The following R3HDM2 variants were observed in gnomAD, a reference collection of about 807,000 sequenced individuals.
R3HDM2 encodes the protein R3H domain containing 2.
R3HDM2 carries 38 observed loss-of-function variants against 124.5 expected under a neutral mutation model. The observed-to-expected ratio is 0.31, with a 90% CI of 0.24 to 0.40. The LOEUF (loss-of-function observed/expected upper bound fraction) is 0.40. R3HDM2 is among the 10% of genes least tolerant of loss of function. R3HDM2 has a pLI of 1.00. For missense variants in R3HDM2, 869 were observed against 1,236.9 expected, an observed-to-expected ratio of 0.70 and a Z score of 4.46; for synonymous variants, 391 against 448.0, an observed-to-expected ratio of 0.87 and a Z score of 1.61.
intron 2 of R3HDM2, among the ~76,000 whole-genome samples, chr12:57,338,467 T>C (rs537181184): frequency 5.8e-4 from 88 of 152,332 alleles, no homozygotes; most frequent in African/African-American, 2.0e-3. Flanking sequence ...AGAATTTGTA[T>C]CCATATTGGT....
intron 7 of R3HDM2, 104 bp downstream of exon 7, chr12:57,297,986 G>C (rs1342127790): frequency 1.3e-6 from 1 of 775,208 alleles, no homozygotes; most frequent in Non-Finnish European, 2.3e-6. Context: ...AGGAAGATGA[G>C]CATCCTAGAT....
intron 14 of R3HDM2, among the ~76,000 whole-genome samples, chr12:57,274,892 C>G (rs1269635770): frequency 6.6e-6 from 1 of 152,030 alleles, no homozygotes; most frequent in Admixed American, 6.5e-5. Flanking sequence ...ACCATACTGC[C>G]AAAAGCAATC....
intron 2 of R3HDM2, among the ~76,000 whole-genome samples, chr12:57,364,725 C>T (rs529225302): frequency 9.2e-5 from 14 of 151,668 alleles, no homozygotes; most frequent in Non-Finnish European, 2.1e-4. Context: ...GAGGCCGAGG[C>T]GGGCGGATCA....
intron 2 of R3HDM2, among the ~76,000 whole-genome samples, chr12:57,373,947 G>A (rs2063695872): frequency 2.6e-5 from 4 of 151,732 alleles, no homozygotes; most frequent in Admixed American, 2.0e-4. Context: ...GGCCAACATG[G>A]TGAAACCCCG....
intron 8 of R3HDM2, 183 bp downstream of exon 8, chr12:57,297,145 G>A: frequency 5.9e-6 from 3 of 509,828 alleles, no homozygotes; most frequent in Non-Finnish European, 1.1e-5. Context: ...TAAAATCTGG[G>A]ACAAGTGCAA....
At chr12:57,317,422 C>T (rs2055318012) in intron 2 of R3HDM2, among the ~76,000 whole-genome samples, 1 of 151,556 alleles carries the variant, frequency 6.6e-6, no homozygotes, top group Non-Finnish European at 1.5e-5. Flanking sequence ...TGGGCTTAAG[C>T]AATCCACCCG....
intron 21 of R3HDM2, 54 bp downstream of exon 21, chr12:57,257,936 A>T: frequency 1.4e-6 from 2 of 1,398,412 alleles, no homozygotes; most frequent in African/African-American, 2.8e-5. Context: ...TGCAATTGGG[A>T]ATGGGATGTG....
intron 1 of R3HDM2, among the ~76,000 whole-genome samples, chr12:57,427,245 C>T (rs1349688762): frequency 3.3e-5 from 5 of 150,842 alleles, no homozygotes; most frequent in African/African-American, 1.2e-4. Flanking sequence ...GAGCTGACAT[C>T]GTGCCACTGC....
chr12:57,341,387 G>A, intron 2 of R3HDM2: 2 of 982,268 alleles, frequency 2.0e-6, no homozygotes, highest in African/African-American at 1.7e-5. Context: ...AGAACGCACC[G>A]CTTCAGATGG....
intron 2 of R3HDM2, among the ~76,000 whole-genome samples, chr12:57,353,631 C>T (rs2137311382): frequency 6.6e-6 from 1 of 152,028 alleles, no homozygotes; most frequent in Middle Eastern, 3.4e-3. Context: ...CTCAAGCTGG[C>T]CTCAAACTCT....
intron 4 of R3HDM2, among the ~76,000 whole-genome samples, chr12:57,302,791 G>GAA (rs535562172): frequency 4.8e-5 from 6 of 124,318 alleles, no homozygotes; most frequent in African/African-American, 1.2e-4. Flanking sequence ...AACTCACAAG[G>GAA]AAAAAAAAAA....
intron 20 of R3HDM2, among the ~76,000 whole-genome samples, chr12:57,258,550 G>A (rs2039795551): frequency 6.6e-6 from 1 of 151,724 alleles, no homozygotes; most frequent in Non-Finnish European, 1.5e-5. Context: ...TCACCACGTT[G>A]GTCTCAAACT....
At chr12:57,256,373 A>G in intron 22 of R3HDM2, 41 bp downstream of exon 22, 1 of 1,441,640 alleles carries the variant, frequency 6.9e-7, no homozygotes. Context: ...AAATAAGAAG[A>G]GGGGTCTGAT....
intron 2 of R3HDM2, among the ~76,000 whole-genome samples, chr12:57,360,915 G>C (rs2061863806): frequency 6.6e-6 from 1 of 151,680 alleles, no homozygotes; most frequent in South Asian, 2.1e-4. Context: ...AACCAGCCGT[G>C]GTGGGGGGTG....
intron 2 of R3HDM2, among the ~76,000 whole-genome samples, chr12:57,360,006 A>AATATATATATATATAT (rs1366274892): frequency 1.7e-5 from 2 of 117,682 alleles, no homozygotes; most frequent in East Asian, 2.7e-4. Flanking sequence ...TAAATAAATA[A>AATATATATATATATAT]ATATATATAT....
intron 1 of R3HDM2, among the ~76,000 whole-genome samples, chr12:57,403,798 G>A (rs1437325247): frequency 1.4e-5 from 2 of 145,716 alleles, no homozygotes; most frequent in East Asian, 2.0e-4. Flanking sequence ...CAGCCTGGGC[G>A]ACAGAGTGAG....
intron 3 of R3HDM2, chr12:57,304,576 G>A: frequency 1.1e-6 from 1 of 909,266 alleles, no homozygotes; most frequent in Non-Finnish European, 1.3e-6. Context: ...GAAGGTGGAT[G>A]GAAAGAATAA....
At chr12:57,386,689 C>T (rs1027466274) in intron 2 of R3HDM2, among the ~76,000 whole-genome samples, 19 of 152,226 alleles carry the variant, frequency 1.2e-4, no homozygotes, top group African/African-American at 3.9e-4. Context: ...GCTCCACCTG[C>T]AGCCCCAGTG....
chr12:57,294,986 A>T (rs1351213277), intron 10 of R3HDM2, among the ~76,000 whole-genome samples: 1 of 152,252 alleles, frequency 6.6e-6, no homozygotes, highest in Non-Finnish European at 1.5e-5. Flanking sequence ...CTAAGCTAGG[A>T]TAAGAGTTGA....
Sources: allele counts gnomAD v4.1 joint callset (sites outside exome capture counted in the v4.1 genomes callset), GRCh38; gene constraint gnomAD v4.1.1; transcripts MANE v1.5; gene names NCBI Gene and HGNC (gene_info 2026-07-23, HGNC 2026-07-21).